The following CD300LF variants were observed in gnomAD, a reference collection of about 807,000 sequenced individuals.
The protein encoded by CD300LF is CD300 molecule like family member f.
A neutral mutation model predicts 32.2 loss-of-function variants in CD300LF; 27 were observed. The observed-to-expected ratio is 0.84, with a 90% CI of 0.62 to 1.15. The LOEUF (loss-of-function observed/expected upper bound fraction) is 1.15. Among genes scored for constraint, CD300LF ranks in the 50% most tolerant of loss-of-function variants. The probability of loss-of-function intolerance (pLI) is 0.00; values close to 1 mark genes in which losing one functional copy is unlikely to be tolerated. For missense variants in CD300LF, 348 were observed against 356.8 expected (o/e 0.98, Z 0.20); for synonymous variants, 139 against 143.2 (o/e 0.97, Z 0.21).
intron 3 of CD300LF, among the ~76,000 whole-genome samples, chr17:74,701,415 A>G (rs1438767704): frequency 1.3e-5 from 2 of 152,236 alleles, no homozygotes; most frequent in African/African-American, 4.8e-5. Context: ...TCTCATGCTA[A>G]TCAAAGGCCC....
intron 1 of CD300LF, among the ~76,000 whole-genome samples, chr17:74,707,979 C>G (rs1282006843): frequency 6.6e-6 from 1 of 151,640 alleles, no homozygotes; most frequent in Admixed American, 6.6e-5. Flanking sequence ...GAAACCCCAT[C>G]TCTACTAAAA....
At chr17:74,703,622 G>A (rs776387431) in intron 2 of CD300LF, among the ~76,000 whole-genome samples, 5 of 152,182 alleles carry the variant, frequency 3.3e-5, no homozygotes, top group Non-Finnish European at 5.9e-5. Flanking sequence ...TCAATGATGG[G>A]GATGCCCCCT....
intron 1 of CD300LF, among the ~76,000 whole-genome samples, chr17:74,708,831 C>A (rs978575841): frequency 6.7e-6 from 1 of 149,894 alleles, no homozygotes; most frequent in East Asian, 2.0e-4. Flanking sequence ...AGGAGAATGA[C>A]GTGAACCCGG....
intron 1 of CD300LF, among the ~76,000 whole-genome samples, chr17:74,705,875 G>A (rs1386164809): frequency 6.6e-6 from 1 of 152,138 alleles, no homozygotes; most frequent in African/African-American, 2.4e-5. Context: ...GATTACAGGC[G>A]GGCCCCACAA....
chr17:74,696,660 G>A (rs757691029), intron 4 of CD300LF, among the ~76,000 whole-genome samples: 13 of 152,146 alleles, frequency 8.5e-5, no homozygotes, highest in Admixed American at 2.6e-4. Flanking sequence ...CCGGGCCCCC[G>A]GGGGGCACTT....
At chr17:74,709,993 T>C (rs527928889) in intron 1 of CD300LF, among the ~76,000 whole-genome samples, 1 of 152,218 alleles carries the variant, frequency 6.6e-6, no homozygotes, top group African/African-American at 2.4e-5. Flanking sequence ...TTGTTTGTTT[T>C]TTTGAGATGG....
At chr17:74,705,555 G>A (rs989338161) in intron 1 of CD300LF, among the ~76,000 whole-genome samples, 1 of 152,114 alleles carries the variant, frequency 6.6e-6, no homozygotes, top group Non-Finnish European at 1.5e-5. Flanking sequence ...ATTATAGACA[G>A]TAAGGCAGTA....
chr17:74,711,405 C>G (rs547419465), intron 1 of CD300LF, among the ~76,000 whole-genome samples: 3 of 152,316 alleles, frequency 2.0e-5, no homozygotes, highest in African/African-American at 4.8e-5. Flanking sequence ...TGTGCCAATG[C>G]ATTTCATAAC....
chr17:74,697,602 C>T (rs1337858396), intron 4 of CD300LF, among the ~76,000 whole-genome samples: 1 of 152,096 alleles, frequency 6.6e-6, no homozygotes, highest in African/African-American at 2.4e-5. Flanking sequence ...GAGTTAGGAC[C>T]CAGCTGTTCT....
At chr17:74,696,855 A>G (rs961161909) in intron 4 of CD300LF, among the ~76,000 whole-genome samples, 1 of 151,930 alleles carries the variant, frequency 6.6e-6, no homozygotes, top group Admixed American at 6.6e-5. Flanking sequence ...CTGTCCCCCA[A>G]CCCCGAGTAG....
rs2032317038 is a variant in CD300LF, at chr17:74,695,227, A to C, written c.742T>G (p.Ser248Ala). The change falls in exon 7 of 7, where the codon TCC (serine) becomes GCC (alanine). Residue 248 changes from serine to alanine, a missense_variant. By Grantham distance (99) the Ser-to-Ala change is moderately conservative (BLOSUM62 1). Coordinates refer to ENST00000326165, the MANE Select transcript of CD300LF (RefSeq NM_139018.5). ...GCACCCAAGGTCAGAGATGCATAGG[A>C]AATGTCCTCCTTCGGCAAGGAAGCC... ...TMASLPKEDI[S>A]YASLTLGAED... is the part of the protein sequence containing the mutation. 6.2e-7 allele frequency: 1 copy of C among 1,614,094 alleles called. No homozygotes were observed.
chr17:74,696,004 C>G, intron 5 of CD300LF, 145 bp from the exon 6 acceptor site: 1 of 1,262,566 alleles, frequency 7.9e-7, no homozygotes, highest in South Asian at 1.4e-5. Flanking sequence ...TTCTCAGGCT[C>G]CTGTACCCCT....
At chr17:74,697,164 G>A (rs1010284352) in intron 4 of CD300LF, among the ~76,000 whole-genome samples, 2 of 152,014 alleles carry the variant, frequency 1.3e-5, no homozygotes, top group East Asian at 3.9e-4. Flanking sequence ...GGCTGGTCTC[G>A]AACTCCTGAC....
intron 3 of CD300LF, among the ~76,000 whole-genome samples, chr17:74,701,248 A>G (rs1486926689): frequency 6.6e-6 from 1 of 152,194 alleles, no homozygotes; most frequent in African/African-American, 2.4e-5. Flanking sequence ...TGTCAACCCT[A>G]TTTGGTTACA....
chr17:74,705,156 G>T (rs1262375427), intron 1 of CD300LF: 2 of 691,238 alleles, frequency 2.9e-6, no homozygotes, highest in South Asian at 3.0e-5. Flanking sequence ...TGTTAGTCCA[G>T]TGTGGTGGGG....
At chr17:74,701,650 G>T (rs987614069) in intron 3 of CD300LF, among the ~76,000 whole-genome samples, 2 of 152,030 alleles carry the variant, frequency 1.3e-5, no homozygotes, top group Admixed American at 1.3e-4. Flanking sequence ...TTGAGGACAG[G>T]AGTTGGAGAC....
chr17:74,705,796 T>C (rs1398187308), intron 1 of CD300LF, among the ~76,000 whole-genome samples: 1 of 152,140 alleles, frequency 6.6e-6, no homozygotes, highest in East Asian at 1.9e-4. Flanking sequence ...GATTTTGCCA[T>C]GTTGTCCAAG....
intron 1 of CD300LF, among the ~76,000 whole-genome samples, chr17:74,711,598 C>T (rs1435477250): frequency 6.6e-6 from 1 of 152,194 alleles, no homozygotes. Flanking sequence ...GCCGTGCTGA[C>T]CTCCCTCTTC....
At chr17:74,695,976 TC>T (rs2032428618) in intron 5 of CD300LF, 117 bp from the exon 6 acceptor site, 2 of 1,322,862 alleles carry the variant, frequency 1.5e-6, no homozygotes, top group Non-Finnish European at 1.0e-6. Flanking sequence ...CTCTCCCATT[TC>T]CCTCCGTGTC....
Sources: allele counts gnomAD v4.1 joint callset (sites outside exome capture counted in the v4.1 genomes callset), GRCh38; gene constraint gnomAD v4.1.1; transcripts MANE v1.5; gene names NCBI Gene and HGNC (gene_info 2026-07-23, HGNC 2026-07-21).